Variants in ZFHX3 observed in about 807,000 individuals in gnomAD.
The protein encoded by ZFHX3 is zinc finger homeobox protein 3.
Under a neutral mutation model 279.1 loss-of-function variants are expected in ZFHX3, and 42 were observed. The ratio of observed to expected loss-of-function variants is 0.15; its 90% CI spans 0.12 to 0.19. The LOEUF (loss-of-function observed/expected upper bound fraction) is 0.19, where lower values mean the gene tolerates loss of function less well. Ranked by LOEUF, ZFHX3 falls within the 10% of genes least tolerant of loss-of-function variation. ZFHX3 has a pLI of 1.00. For synonymous variants in ZFHX3, 2,293 were observed against 1,957.8 expected (o/e 1.17, Z -4.52); for missense variants, 4,981 against 4,754.0 (o/e 1.05, Z -1.40).
At chr16:72,789,099 C>A in intron 9 of ZFHX3, 1 of 417,700 alleles carries the variant, frequency 2.4e-6, no homozygotes, top group East Asian at 3.7e-5. Flanking sequence ...AGAAGTATCC[C>A]ACCAGGCTCA....
chr16:73,716,658 C>T (rs960614171), intron 1 of ZFHX3, among the ~76,000 whole-genome samples: 21 of 142,018 alleles, frequency 1.5e-4, no homozygotes, highest in African/African-American at 2.6e-4. Flanking sequence ...CACGCATGCA[C>T]GCACGCACAG....
chr16:73,634,009 T>C (rs1416394075), intron 2 of ZFHX3, among the ~76,000 whole-genome samples: 1 of 152,198 alleles, frequency 6.6e-6, no homozygotes, highest in Non-Finnish European at 1.5e-5. Flanking sequence ...GTACAATAAT[T>C]ATAATACATC....
At chr16:73,725,150 C>G (rs2053507308) in intron 1 of ZFHX3, among the ~76,000 whole-genome samples, 1 of 152,202 alleles carries the variant, frequency 6.6e-6, no homozygotes, top group African/African-American at 2.4e-5. Flanking sequence ...TCTGGTCAAT[C>G]AAATTTACAG....
At chr16:73,390,294 G>A (rs2016985824) in intron 3 of ZFHX3, among the ~76,000 whole-genome samples, 1 of 152,072 alleles carries the variant, frequency 6.6e-6, no homozygotes, top group East Asian at 1.9e-4. Flanking sequence ...TTCTCAAGAT[G>A]AGCATTCATT....
intron 6 of ZFHX3, among the ~76,000 whole-genome samples, chr16:73,140,618 G>A (rs1360182538): frequency 2.0e-5 from 3 of 152,260 alleles, no homozygotes; most frequent in Admixed American, 6.5e-5. Flanking sequence ...CACTTTGGGA[G>A]GCCGAGGTGG....
At chr16:73,627,519 A>C (rs1262766457) in intron 2 of ZFHX3, among the ~76,000 whole-genome samples, 1 of 152,224 alleles carries the variant, frequency 6.6e-6, no homozygotes, top group African/African-American at 2.4e-5. Flanking sequence ...TTATGATTTG[A>C]ACTCTTTTGA....
intron 2 of ZFHX3, among the ~76,000 whole-genome samples, chr16:73,659,609 A>G (rs1173554317): frequency 6.6e-6 from 1 of 152,164 alleles, no homozygotes; most frequent in African/African-American, 2.4e-5. Flanking sequence ...GGCTCCCCTG[A>G]AATAGAAATA....
chr16:73,208,954 G>T (rs1252155216), intron 5 of ZFHX3, among the ~76,000 whole-genome samples: 3 of 152,064 alleles, frequency 2.0e-5, no homozygotes, highest in Non-Finnish European at 4.4e-5. Context: ...ATTGGGTTTT[G>T]CCAATGCAAT....
At chr16:73,450,517 T>A (rs2018266001) in intron 3 of ZFHX3, among the ~76,000 whole-genome samples, 1 of 152,220 alleles carries the variant, frequency 6.6e-6, no homozygotes, top group South Asian at 2.1e-4. Context: ...TGTTTGTGGT[T>A]TTCATCTTCG....
At chr16:73,065,458 G>GT (rs1026586319) in intron 8 of ZFHX3, among the ~76,000 whole-genome samples, 368 of 147,362 alleles carry the variant, frequency 2.5e-3, no homozygotes, top group Middle Eastern at 0.014. Context: ...AAACGTGAGG[G>GT]TTTTTTTTTT....
chr16:73,735,941 G>C (rs148736336), intron 1 of ZFHX3, among the ~76,000 whole-genome samples: 1 of 143,278 alleles, frequency 7.0e-6, no homozygotes, highest in Non-Finnish European at 1.5e-5. Flanking sequence ...TGGTGCACCT[G>C]GTTGAGCAAC....
At position 73,159,205 on chromosome 16, in the gene ZFHX3, T is replaced by C. The variant is rs552948676; in HGVS notation, c.-1103-15374A>G. Among the ~76,000 whole-genome samples the C allele has an allele frequency of 3.3e-5, 5 of 152,302 alleles. No individual in the cohort carries two copies. The South Asian group carries it at 1.0e-3, about 32-fold the overall frequency. ...TCTGACAAAGATCTAATATCCAGCA[T>C]CTATAAGGAACTTAAACAAACAAAT... is the stretch of plus-strand genomic sequence containing the variant. On this transcript the variant is annotated intron_variant, in intron 5 of 17. Transcript: ENST00000641206.
chr16:73,670,072 C>T (rs1427532310), intron 2 of ZFHX3, among the ~76,000 whole-genome samples: 2 of 152,196 alleles, frequency 1.3e-5, no homozygotes, highest in Admixed American at 6.5e-5. Context: ...ATGAAATCTT[C>T]ATGCTTCAGG....
chr16:73,843,163 G>A lies in ZFHX3; in HGVS notation c.-1608+48488C>T, dbSNP rs115979097. 5.4e-3 allele frequency among the ~76,000 whole-genome samples: 826 copies of A among 152,326 alleles called. 7 individuals are homozygous for A. The highest frequency in any genetic ancestry group is 0.018 in the African/African-American group (759 of 41,572). The stretch of plus-strand genomic sequence containing the variant: ...AAGACTGCAGAATAACTGGCACGAA[G>A]TGAAGTTATTTTAGACAAGAACAAA... On this transcript the variant is annotated intron_variant, in intron 1 of 17. Coordinates refer to the ZFHX3 transcript ENST00000641206.
chr16:73,337,400 C>T (rs2015934845), intron 3 of ZFHX3, among the ~76,000 whole-genome samples: 1 of 152,156 alleles, frequency 6.6e-6, no homozygotes, highest in African/African-American at 2.4e-5. Flanking sequence ...GTTACTTCCA[C>T]ATCCCAAATA....
chr16:73,165,213 C>G (rs778773328), intron 5 of ZFHX3, among the ~76,000 whole-genome samples: 6 of 152,176 alleles, frequency 3.9e-5, no homozygotes, highest in Non-Finnish European at 8.8e-5. Flanking sequence ...AAGGTCCAAG[C>G]TGGAATTACC....
intron 8 of ZFHX3, among the ~76,000 whole-genome samples, chr16:73,085,477 C>T (rs938879171): frequency 6.6e-6 from 1 of 152,064 alleles, no homozygotes; most frequent in African/African-American, 2.4e-5. Flanking sequence ...AATTCCTGAC[C>T]TCTAGTGATC....
chr16:72,953,796 A>G (rs1459136094), intron 2 of ZFHX3, among the ~76,000 whole-genome samples: 1 of 151,980 alleles, frequency 6.6e-6, no homozygotes, highest in Non-Finnish European at 1.5e-5. Flanking sequence ...CTGGTCTCAA[A>G]CTCCCAGGTT....
At chr16:73,063,222 G>C (rs1965708212), upstream of ZFHX3, among the ~76,000 whole-genome samples, 1 of 152,244 alleles carries the variant, frequency 6.6e-6, no homozygotes, top group Admixed American at 6.5e-5. Context: ...GCCCGGGGAA[G>C]GGGCTGCTCT....
Sources: allele counts gnomAD v4.1 joint callset (sites outside exome capture counted in the v4.1 genomes callset), GRCh38; gene constraint gnomAD v4.1.1; transcripts MANE v1.5; gene names NCBI Gene and HGNC (gene_info 2026-07-23, HGNC 2026-07-21).